Variants in SERPINA12 observed in about 807,000 individuals in gnomAD.
SERPINA12 encodes the protein serpin A12.
A neutral mutation model predicts 25.9 loss-of-function variants in SERPINA12; 21 were observed. The ratio of observed to expected loss-of-function variants is 0.81; its 90% CI spans 0.58 to 1.17. SERPINA12 has a LOEUF of 1.17. SERPINA12 is among the 50% of genes most tolerant of loss of function. SERPINA12 has a pLI of 0.00. For synonymous variants in SERPINA12, 220 were observed against 196.0 expected, an observed-to-expected ratio of 1.12 and a Z score of -1.02; for missense variants, 562 against 508.3, an observed-to-expected ratio of 1.11 and a Z score of -1.02.
upstream of SERPINA12, chr14:94,509,928 C>A (rs1901064950): frequency 1.0e-6 from 1 of 963,556 alleles, no homozygotes. Flanking sequence ...TGTGGGCACC[C>A]TGGCACTGCT....
chr14:94,501,015 A>G, intron 1 of SERPINA12: 2 of 985,404 alleles, frequency 2.0e-6, no homozygotes, highest in Non-Finnish European at 2.4e-6. Flanking sequence ...TCTACCCCCA[A>G]AAACCACTTC....
chr14:94,492,562 G>T (rs1900221276), intron 3 of SERPINA12, among the ~76,000 whole-genome samples: 1 of 152,194 alleles, frequency 6.6e-6, no homozygotes, highest in Admixed American at 6.5e-5. Context: ...TGATGGAAAT[G>T]ATTCAGAAGA....
At chr14:94,509,238 C>T (rs1463531351) in intron 1 of SERPINA12, among the ~76,000 whole-genome samples, 104 bp downstream of exon 1, 3 of 151,424 alleles carry the variant, frequency 2.0e-5, no homozygotes, top group Admixed American at 6.6e-5. Flanking sequence ...TGAGTGATCA[C>T]CTTGGCCCTT....
chr14:94,513,451 C>T (rs181554805), upstream of SERPINA12, among the ~76,000 whole-genome samples: 7 of 152,316 alleles, frequency 4.6e-5, no homozygotes, highest in Non-Finnish European at 8.8e-5. Flanking sequence ...TATGTAGAGA[C>T]AGAAAATCTG....
chr14:94,490,725 C>G (rs1900142818), intron 3 of SERPINA12, among the ~76,000 whole-genome samples: 1 of 152,190 alleles, frequency 6.6e-6, no homozygotes, highest in South Asian at 2.1e-4. Context: ...CCAGTCGGCT[C>G]TTTGACCTCA....
intron 1 of SERPINA12, among the ~76,000 whole-genome samples, chr14:94,506,118 G>A (rs1431573510): frequency 6.6e-6 from 1 of 152,198 alleles, no homozygotes; most frequent in African/African-American, 2.4e-5. Flanking sequence ...GGGGCTAGAA[G>A]GATGAAGGAG....
Position 94,497,944 on chromosome 14 carries a change from C to T in SERPINA12, c.454G>A (p.Glu152Lys). The T allele has an allele frequency of 6.2e-7, 1 of 1,614,182 alleles. No homozygotes were observed. Among genetic ancestry groups the T allele is most frequent in the Non-Finnish European group, 8.5e-7 (1 of 1,180,038 alleles). ...QRLQPQRKFL[E>K]DAKNFYSAET... Reference sequence around the variant, plus strand: ...GCACTGTAAAAGTTCTTGGCATCTTCCAAAAACTTACGCTGTGGCTGCAGC... The same window carrying T: ...GCACTGTAAAAGTTCTTGGCATCTTTCAAAAACTTACGCTGTGGCTGCAGC... Residue 152 changes from glutamate (E) to lysine (K), a missense_variant, in exon 2 of 5, where the codon GAA becomes AAA. Physicochemically the swap from Glu to Lys is moderately conservative, Grantham distance 56 (BLOSUM62 1). Coordinates refer to ENST00000677451, the MANE Select transcript of SERPINA12 (RefSeq NM_001382267.1).
At chr14:94,499,767 A>T (rs1900632724) in intron 1 of SERPINA12, among the ~76,000 whole-genome samples, 1 of 152,118 alleles carries the variant, frequency 6.6e-6, no homozygotes, top group Admixed American at 6.5e-5. Flanking sequence ...TGGAAAAGGG[A>T]AGGAGCCAAG....
upstream of SERPINA12, among the ~76,000 whole-genome samples, chr14:94,513,907 G>A (rs2139868032): frequency 6.6e-6 from 1 of 152,240 alleles, no homozygotes; most frequent in Non-Finnish European, 1.5e-5. Context: ...TCCCTCCTTG[G>A]ATGAACAGCC....
chr14:94,506,120 A>T (rs1180241757), intron 1 of SERPINA12, among the ~76,000 whole-genome samples: 1 of 152,180 alleles, frequency 6.6e-6, no homozygotes, highest in Non-Finnish European at 1.5e-5. Flanking sequence ...GGCTAGAAGG[A>T]TGAAGGAGAT....
At chr14:94,495,760 C>T (rs538188843) in intron 3 of SERPINA12, among the ~76,000 whole-genome samples, 84 of 152,298 alleles carry the variant, frequency 5.5e-4, no homozygotes, top group African/African-American at 1.9e-3. Context: ...TGTATGTCCA[C>T]GCTGACACTA....
upstream of SERPINA12, among the ~76,000 whole-genome samples, chr14:94,510,901 G>A (rs546491322): frequency 2.6e-5 from 4 of 152,166 alleles, no homozygotes; most frequent in Admixed American, 6.5e-5. Context: ...TGTGAGCACA[G>A]GTATAAGAAT....
upstream of SERPINA12, among the ~76,000 whole-genome samples, chr14:94,513,740 G>T (rs997332574): frequency 2.0e-5 from 3 of 152,150 alleles, no homozygotes; most frequent in African/African-American, 7.2e-5. Flanking sequence ...AAAATTACTG[G>T]GTGCTCAGCT....
upstream of SERPINA12, chr14:94,511,836 G>T: frequency 1.8e-6 from 1 of 546,220 alleles, no homozygotes; most frequent in Non-Finnish European, 2.3e-6. Context: ...GGGGGGTCAC[G>T]CCTGTACTCC....
intron 1 of SERPINA12, chr14:94,501,115 A>T (rs1900701531): frequency 1.0e-6 from 1 of 985,282 alleles, no homozygotes; most frequent in African/African-American, 1.7e-5. Flanking sequence ...AAAATTCCCA[A>T]GAATGCTTCA....
chr14:94,513,944 G>A (rs1901168539), upstream of SERPINA12, among the ~76,000 whole-genome samples: 1 of 152,132 alleles, frequency 6.6e-6, no homozygotes, highest in South Asian at 2.1e-4. Flanking sequence ...GGCTCCCTGG[G>A]GACCTCACAG....
chr14:94,489,879 A>G (rs908757417), intron 3 of SERPINA12, 112 bp from the exon 4 acceptor site: 16 of 1,037,566 alleles, frequency 1.5e-5, no homozygotes, highest in African/African-American at 6.4e-5. Flanking sequence ...AAGGTCTCCA[A>G]TCTCTCTCCA....
intron 2 of SERPINA12, 44 bp from the exon 3 acceptor site, chr14:94,496,687 A>G (rs1566808826): frequency 6.4e-7 from 1 of 1,570,770 alleles, no homozygotes; most frequent in East Asian, 2.2e-5. Flanking sequence ...CCCAAGGGAA[A>G]AAAGGTGACT....
chr14:94,503,949 C>G (rs974746260), intron 1 of SERPINA12: 1 of 152,230 alleles, frequency 6.6e-6, no homozygotes, highest in Non-Finnish European at 1.5e-5. Context: ...CCATAACACT[C>G]TGCCAAAGAT....
Sources: gnomAD v4.1 joint callset for allele counts (sites outside exome capture counted in the v4.1 genomes callset) on GRCh38, gnomAD v4.1.1 for gene constraint, MANE v1.5 for transcripts, NCBI Gene and HGNC (gene_info 2026-07-23, HGNC 2026-07-21) for gene names.